Variants in CYP4Z1 observed in about 807,000 individuals in gnomAD.
CYP4Z1 encodes the protein cytochrome P450 family 4 subfamily Z member 1, also known as cytochrome P450 4Z1.
CYP4Z1 carries 41 observed loss-of-function variants against 54.2 expected under a neutral mutation model. The observed-to-expected ratio is 0.76, with a 90% CI of 0.59 to 0.98. The LOEUF (loss-of-function observed/expected upper bound fraction) is 0.98. CYP4Z1 is among the 50% of genes least tolerant of loss of function. The pLI, the probability that CYP4Z1 is intolerant of heterozygous loss-of-function variation, is 0.00. For missense variants in CYP4Z1, 513 were observed against 599.0 expected, an observed-to-expected ratio of 0.86 and a Z score of 1.50; for synonymous variants, 163 against 206.2, an observed-to-expected ratio of 0.79 and a Z score of 1.79.
intron 9 of CYP4Z1, among the ~76,000 whole-genome samples, chr1:47,107,795 A>G (rs2148540498): frequency 6.6e-6 from 1 of 152,170 alleles, no homozygotes. Context: ...TGTGAGAATC[A>G]GCATGCCTTC....
rs74073737 is a variant in CYP4Z1 at position 47,082,297 on chromosome 1, C to A, written c.365-37C>A. The stretch of plus-strand genomic sequence containing the variant: ...GCCTAGTCTTTCTTCACTTACCTGG[C>A]CTCTGATAGAAACAGTTGCCCCTCT... On this transcript the variant is annotated intron_variant, in intron 3 of 11. Transcript: ENST00000334194. The A allele has an allele frequency of 1.3e-3, 2,041 of 1,568,840 alleles. 19 individuals carry two copies. In the African/African-American group the frequency reaches 0.019, roughly 15 times the overall value.
rs576122768 is a variant in CYP4Z1, at chr1:47,085,897, A to C, written c.772+919A>C. 6.9e-3 allele frequency among the ~76,000 whole-genome samples: 905 copies of C among 130,536 alleles called. 7 individuals carry two copies. Among genetic ancestry groups the C allele is most frequent in the African/African-American group, 0.025 (840 of 33,742 alleles). 85.6% of individuals were successfully genotyped at this position (130,536 alleles called of 152,430 possible). ...TGTGATGTTCCCCTTCCTGTGTCCA[A>C]GTGTTCTCATTGTTCAATTCCCACC... On this transcript the variant is annotated intron_variant, in intron 6 of 11. Transcript: ENST00000334194.
chr1:47,058,276 A>G, the CYP4Z1 span, among the ~76,000 whole-genome samples: 15 of 152,166 alleles, frequency 9.9e-5, no homozygotes, highest in Admixed American at 9.8e-4. Flanking sequence ...TATTTTTATT[A>G]TAATTATAAT....
the CYP4Z1 span, among the ~76,000 whole-genome samples, chr1:47,056,392 T>A: frequency 6.6e-6 from 1 of 152,180 alleles, no homozygotes; most frequent in Non-Finnish European, 1.5e-5. Flanking sequence ...AGAATGTATA[T>A]TCTGTTGATT....
At chr1:47,087,426 G>A (rs1263091375) in intron 6 of CYP4Z1, among the ~76,000 whole-genome samples, 1 of 152,132 alleles carries the variant, frequency 6.6e-6, no homozygotes, top group Non-Finnish European at 1.5e-5. Context: ...TTGTAAGTTG[G>A]ATTCCTAGGT....
intron 7 of CYP4Z1, among the ~76,000 whole-genome samples, chr1:47,095,399 G>A (rs1180085955): frequency 1.3e-5 from 2 of 152,164 alleles, no homozygotes; most frequent in East Asian, 3.9e-4. Flanking sequence ...ACTGTCTCAT[G>A]AGGTGTCCAC....
chr1:47,076,926 A>G (rs1214246931), intron 2 of CYP4Z1, among the ~76,000 whole-genome samples: 6 of 148,244 alleles, frequency 4.0e-5, no homozygotes, highest in Admixed American at 2.7e-4. Flanking sequence ...ATTGATTTCT[A>G]GTTTTATTCT....
rs1383047423 is a variant in CYP4Z1 at position 47,117,843 on chromosome 1, C to G, written c.1427C>G (p.Ala476Gly). Residue 476 changes from alanine (A) to glycine (G), a missense_variant, in exon 12 of 12, where the codon GCT becomes GGT. Coordinates refer to ENST00000334194, the MANE Select transcript of CYP4Z1 (RefSeq NM_178134.3). ...TTAACTCTGCTCCGCTTCAAGCTGG[C>G]TCCAGACCACTCAAGGCCTCCCCAG... ...VALTLLRFKL[A>G]PDHSRPPQPV... 1 of 1,613,634 alleles carries G rather than the reference C, an allele frequency of 6.2e-7. No individual in the cohort carries two copies. The highest frequency in any genetic ancestry group is 1.3e-5 in the African/African-American group (1 of 74,908).
At chr1:47,077,409 A>G (rs992236254) in intron 2 of CYP4Z1, among the ~76,000 whole-genome samples, 2 of 152,086 alleles carry the variant, frequency 1.3e-5, no homozygotes, top group Admixed American at 6.6e-5. Context: ...TACTGTTTGC[A>G]TAGAATACCT....
chr1:47,117,622 G>A (rs1280267823), intron 11 of CYP4Z1, 144 bp from the exon 12 acceptor site: 7 of 828,352 alleles, frequency 8.5e-6, no homozygotes, highest in Admixed American at 3.1e-5. Context: ...GCATCATGGT[G>A]AGCACCTGTA....
chr1:47,085,867 C>T (rs1461742365), intron 6 of CYP4Z1, among the ~76,000 whole-genome samples: 1 of 128,842 alleles, frequency 7.8e-6, no homozygotes, highest in Non-Finnish European at 1.6e-5. Context: ...CAACAGGCCC[C>T]AGTGTGTGAT....
At chr1:47,069,162 A>T (rs1644474173) in intron 2 of CYP4Z1, among the ~76,000 whole-genome samples, 1 of 151,562 alleles carries the variant, frequency 6.6e-6, no homozygotes, top group African/African-American at 2.4e-5. Flanking sequence ...TTTGCCCACT[A>T]ATGTTGCCTG....
rs1319667983 is a variant in CYP4Z1, at chr1:47,076,766, A to G, written c.320-3857A>G. 7.5e-5 allele frequency among the ~76,000 whole-genome samples: 11 copies of G among 146,438 alleles called. No individual in the cohort carries two copies. In the East Asian group the frequency reaches 2.2e-3, roughly 29 times the overall value. On this transcript the variant is annotated intron_variant, in intron 2 of 11. Coordinates refer to ENST00000334194, the MANE Select transcript of CYP4Z1 (RefSeq NM_178134.3). ...AGGCTGAGGCAGGAGAATGGCGTGAACCCAGGAGGCGGACCTTGCAGTGAG... is the reference window on the plus strand; with the variant it reads ...AGGCTGAGGCAGGAGAATGGCGTGAGCCCAGGAGGCGGACCTTGCAGTGAG...
At position 47,117,927 on chromosome 1, in the gene CYP4Z1, T is replaced by A; in HGVS notation, c.1511T>A (p.Val504Asp). The A allele has an allele frequency of 6.2e-7, 1 of 1,612,644 alleles. No individual in the cohort carries two copies. The highest frequency in any genetic ancestry group is 1.1e-5 in the South Asian group (1 of 90,926). The change falls in exon 12 of 12, where the codon GTT (valine) becomes GAT (aspartate). Residue 504 changes from valine (V) to aspartate (D), a missense_variant. Val to Asp is a radical substitution (Grantham distance 152, BLOSUM62 -3). Transcript: ENST00000334194. ...GGAATCCATGTGTTTGCAAAAAAAG[T>A]TTGCTAATTTTAAGTCCTTTCGTAT... Reference protein sequence around the residue: ...KNGIHVFAKKVC With the variant: ...KNGIHVFAKKDC
intron 8 of CYP4Z1, among the ~76,000 whole-genome samples, chr1:47,101,301 C>T (rs1199338211): frequency 6.6e-6 from 1 of 151,138 alleles, no homozygotes; most frequent in Non-Finnish European, 1.5e-5. Flanking sequence ...TGGGGTTTGG[C>T]TTGTTCCTGT....
In CYP4Z1 at chr1:47,115,586, A is replaced by G; in HGVS notation, c.1259A>G (p.Asp420Gly). The G allele has an allele frequency of 6.2e-7, 1 of 1,613,510 alleles. No individual in the cohort carries two copies. The highest frequency in any genetic ancestry group is 8.5e-7 in the Non-Finnish European group (1 of 1,179,692). ...CACCACAACCCCTATTTCTGGGAAG[A>G]CCCTCAGGTATGATTGTCCCAACTG... ...ALHHNPYFWE[D>G]PQVFNPLRFS... is the part of the protein sequence containing the mutation. The change falls in exon 10 of 12, where the codon GAC (aspartate) becomes GGC (glycine). Residue 420 changes from aspartate (D) to glycine (G), a missense_variant. Transcript: ENST00000334194.
chr1:47,099,454 A>G (rs972916922), intron 8 of CYP4Z1, among the ~76,000 whole-genome samples, 170 bp downstream of exon 8: 2 of 152,160 alleles, frequency 1.3e-5, no homozygotes, highest in African/African-American at 4.8e-5. Context: ...TAGTTTTTAT[A>G]TAGAAAAACA....
upstream of CYP4Z1, among the ~76,000 whole-genome samples, chr1:47,064,714 G>C (rs1016077026): frequency 1.3e-5 from 2 of 152,040 alleles, no homozygotes; most frequent in Admixed American, 1.3e-4. Context: ...CTAATATTGA[G>C]TGTAAATGGC....
At position 47,115,600 on chromosome 1, in the gene CYP4Z1, T is replaced by C. The variant is rs769813599; in HGVS notation, c.1266+7T>C. The C allele has an allele frequency of 1.6e-5, 26 of 1,612,840 alleles. No individual in the cohort carries two copies. The highest frequency in any genetic ancestry group is 1.8e-5 in the Non-Finnish European group (21 of 1,179,272). On this transcript the variant is annotated splice_region_variant and intron_variant, in intron 10 of 11. Transcript: ENST00000334194. The stretch of plus-strand genomic sequence containing the variant: ...TTTCTGGGAAGACCCTCAGGTATGA[T>C]TGTCCCAACTGCACCCAGTGGCATC...
Sources: gnomAD v4.1 joint callset for allele counts (sites outside exome capture counted in the v4.1 genomes callset) on GRCh38, gnomAD v4.1.1 for gene constraint, MANE v1.5 for transcripts, NCBI Gene and HGNC (gene_info 2026-07-23, HGNC 2026-07-21) for gene names.